Variants in ZMAT4 observed in about 807,000 individuals in gnomAD.
ZMAT4 encodes zinc finger matrin-type 4, also known as zinc finger matrin-type protein 4.
In ZMAT4, 17 loss-of-function variants were observed where a neutral mutation model predicts 28.7. That is an observed-to-expected ratio of 0.59 (90% confidence interval 0.41 to 0.89). The LOEUF is 0.89. Ranked by LOEUF, ZMAT4 falls within the 40% of genes least tolerant of loss-of-function variation. The probability of loss-of-function intolerance (pLI) is 0.00; values close to 1 mark genes in which losing one functional copy is unlikely to be tolerated. For synonymous variants in ZMAT4, 117 were observed against 109.2 expected (o/e 1.07, Z -0.44); for missense variants, 240 against 283.8 (o/e 0.85, Z 1.11).
chr8:40,679,879 TGAAC>T (rs1330877630), intron 4 of ZMAT4, among the ~76,000 whole-genome samples: 2 of 152,172 alleles, frequency 1.3e-5, no homozygotes, highest in African/African-American at 2.4e-5. Flanking sequence ...AATAAATGAA[TGAAC>T]GAATAAATAA....
intron 3 of ZMAT4, among the ~76,000 whole-genome samples, chr8:40,712,654 A>G (rs114319887): frequency 0.023 from 3,462 of 152,324 alleles, 129 homozygotes; most frequent in African/African-American, 0.078. Flanking sequence ...ATGGGCAGAC[A>G]GGGAAGCTCC....
intron 3 of ZMAT4, among the ~76,000 whole-genome samples, chr8:40,704,040 C>T (rs994082334): frequency 5.9e-5 from 9 of 152,222 alleles, no homozygotes; most frequent in African/African-American, 1.4e-4. Flanking sequence ...TGAAACTCCA[C>T]TTGCAGCTGC....
chr8:40,896,256 G>T lies in ZMAT4; in HGVS notation c.-5+1427C>A, dbSNP rs144443842. Among the ~76,000 whole-genome samples the T allele has an allele frequency of 9.2e-3, 1,394 of 152,308 alleles. 13 individuals carry two copies. The highest frequency in any genetic ancestry group is 0.012 in the Non-Finnish European group (801 of 68,020). Reference sequence around the variant, plus strand: ...AATCAAGACTGTCATCTGCATCTCCGTGGAAGGGTGCCCTGAGGAAGAGGT... The same window carrying T: ...AATCAAGACTGTCATCTGCATCTCCTTGGAAGGGTGCCCTGAGGAAGAGGT... On this transcript the variant is annotated intron_variant, in intron 1 of 6. Transcript: ENST00000297737.
chr8:40,745,615 C>T (rs1437672217), intron 3 of ZMAT4, among the ~76,000 whole-genome samples: 3 of 152,086 alleles, frequency 2.0e-5, no homozygotes, highest in African/African-American at 7.2e-5. Context: ...AGCACGATGG[C>T]TCTGAGAGAG....
chr8:40,538,717 C>T (rs980918175), intron 6 of ZMAT4, among the ~76,000 whole-genome samples: 2 of 152,092 alleles, frequency 1.3e-5, no homozygotes, highest in South Asian at 4.1e-4. Context: ...CCTGACTCCC[C>T]TTTTCCTCTC....
chr8:40,834,403 C>T (rs181210402), intron 1 of ZMAT4, among the ~76,000 whole-genome samples: 1 of 152,242 alleles, frequency 6.6e-6, no homozygotes, highest in African/African-American at 2.4e-5. Flanking sequence ...CAGCCCAGCC[C>T]AAGGCTTCAG....
intron 3 of ZMAT4, among the ~76,000 whole-genome samples, chr8:40,764,924 T>G (rs187837589): frequency 1.3e-5 from 2 of 152,040 alleles, no homozygotes; most frequent in African/African-American, 4.8e-5. Flanking sequence ...CTCTGATTCC[T>G]AAACTCAAGC....
chr8:40,588,875 C>G (rs150857903), intron 5 of ZMAT4, among the ~76,000 whole-genome samples: 6 of 152,246 alleles, frequency 3.9e-5, no homozygotes, highest in African/African-American at 1.2e-4. Flanking sequence ...GCCAAAACCT[C>G]AAAACAACCC....
chr8:40,661,513 C>G (rs1468344558), intron 5 of ZMAT4, among the ~76,000 whole-genome samples: 1 of 152,238 alleles, frequency 6.6e-6, no homozygotes, highest in East Asian at 1.9e-4. Context: ...AGTTCACAAT[C>G]ACTTAGAGAA....
intron 2 of ZMAT4, among the ~76,000 whole-genome samples, chr8:40,783,454 G>A (rs576836474): frequency 9.0e-4 from 137 of 152,178 alleles, no homozygotes; most frequent in African/African-American, 3.2e-3. Context: ...CTGCTAGTGA[G>A]TTTAGGGGTT....
intron 1 of ZMAT4, among the ~76,000 whole-genome samples, chr8:40,855,910 C>T (rs1817280803): frequency 6.6e-6 from 1 of 151,652 alleles, no homozygotes; most frequent in African/African-American, 2.4e-5. Flanking sequence ...AGGCTGGTCT[C>T]CAACTCCTGA....
At chr8:40,831,773 G>A (rs1816288638) in intron 1 of ZMAT4, among the ~76,000 whole-genome samples, 1 of 152,176 alleles carries the variant, frequency 6.6e-6, no homozygotes, top group African/African-American at 2.4e-5. Flanking sequence ...CCGTGTGACT[G>A]TGCAAGCTCT....
intron 5 of ZMAT4, among the ~76,000 whole-genome samples, chr8:40,618,957 G>C (rs62507463): frequency 0.25 from 37,471 of 152,152 alleles, 5,548 homozygotes; most frequent in Non-Finnish European, 0.34. Context: ...TGAAGGGTTT[G>C]CAGTCCATGA....
intron 1 of ZMAT4, 147 bp from the exon 2 acceptor site, chr8:40,825,827 T>C: frequency 3.3e-6 from 2 of 603,364 alleles, no homozygotes; most frequent in Non-Finnish European, 5.8e-6. Flanking sequence ...GACGTTATCA[T>C]ATCGATTAAC....
chr8:40,598,852 G>T (rs1373402781), intron 5 of ZMAT4, among the ~76,000 whole-genome samples: 1 of 152,090 alleles, frequency 6.6e-6, no homozygotes, highest in African/African-American at 2.4e-5. Flanking sequence ...TATCACCATA[G>T]ATTTGGATTG....
chr8:40,801,347 A>ATATATATATATATATATAT (rs1174640469), intron 2 of ZMAT4, among the ~76,000 whole-genome samples: 12 of 48,562 alleles, frequency 2.5e-4, no homozygotes, highest in African/African-American at 1.0e-3. Context: ...TCTTTAAAAA[A>ATATATATATATATATATAT]AAAAATATAT....
chr8:40,794,264 C>T (rs531759991), intron 2 of ZMAT4, among the ~76,000 whole-genome samples: 2 of 152,236 alleles, frequency 1.3e-5, no homozygotes, highest in South Asian at 4.2e-4. Flanking sequence ...TGAGAAATAG[C>T]TTGTTGGCAC....
intron 5 of ZMAT4, among the ~76,000 whole-genome samples, chr8:40,644,961 G>A (rs996572973): frequency 3.3e-5 from 5 of 152,122 alleles, no homozygotes; most frequent in South Asian, 2.1e-4. Flanking sequence ...CTATTAAATC[G>A]CCAACAACAA....
chr8:40,675,058 G>A, intron 4 of ZMAT4, 127 bp from the exon 5 acceptor site: 2 of 617,014 alleles, frequency 3.2e-6, no homozygotes, highest in Non-Finnish European at 5.3e-6. Flanking sequence ...AGAGTTCATT[G>A]ACAGCAGGAA....
Sources: gnomAD v4.1 joint callset for allele counts (sites outside exome capture counted in the v4.1 genomes callset) on GRCh38, gnomAD v4.1.1 for gene constraint, MANE v1.5 for transcripts, NCBI Gene and HGNC (gene_info 2026-07-23, HGNC 2026-07-21) for gene names.